SHISA6: variants seen among roughly 807,000 people sequenced by gnomAD.
The protein encoded by SHISA6 is shisa family member 6, also known as protein shisa-6.
In SHISA6, 22 loss-of-function variants were observed where a neutral mutation model predicts 47.9. That is an observed-to-expected ratio of 0.46 (90% confidence interval 0.33 to 0.66). The LOEUF (loss-of-function observed/expected upper bound fraction) is 0.66. SHISA6 is among the 30% of genes least tolerant of loss of function. The pLI, the probability that SHISA6 is intolerant of heterozygous loss-of-function variation, is 0.02. For synonymous variants in SHISA6, 388 were observed against 337.8 expected, an observed-to-expected ratio of 1.15 and a Z score of -1.63; for missense variants, 680 against 764.6, an observed-to-expected ratio of 0.89 and a Z score of 1.30.
intron 3 of SHISA6, among the ~76,000 whole-genome samples, chr17:11,464,940 A>T (rs1403215541): frequency 2.1e-4 from 4 of 19,460 alleles, no homozygotes; most frequent in African/African-American, 5.0e-4. Flanking sequence ...AAAACTGATT[A>T]AAAAAAAAAA....
Position 11,355,741 on chromosome 17 carries a change from G to A in SHISA6, c.800-23673G>A, listed in dbSNP as rs534658571. 8.5e-5 allele frequency among the ~76,000 whole-genome samples: 13 copies of A among 152,288 alleles called. No homozygotes were observed. In the South Asian group the frequency reaches 2.7e-3, roughly 32 times the overall value. ...GAACGGATGAGCTTGAATCCACATCGGCCAGCCTCTTGGGGTCCCCATCTG... is the reference window on the plus strand; with the variant it reads ...GAACGGATGAGCTTGAATCCACATCAGCCAGCCTCTTGGGGTCCCCATCTG... On this transcript the variant is annotated intron_variant, in intron 2 of 5. Transcript: ENST00000441885.
intron 3 of SHISA6, among the ~76,000 whole-genome samples, chr17:11,388,839 TA>T (rs1361750238): frequency 6.8e-5 from 7 of 102,278 alleles, no homozygotes; most frequent in African/African-American, 1.7e-4. Flanking sequence ...TATATATATA[TA>T]TTTTAAAAAA....
chr17:11,264,179 T>C (rs1908343361), intron 2 of SHISA6, among the ~76,000 whole-genome samples: 1 of 152,228 alleles, frequency 6.6e-6, no homozygotes, highest in Admixed American at 6.5e-5. Context: ...GAGATGTTAA[T>C]AATAATTTAA....
chr17:11,397,812 G>A (rs561369310), intron 3 of SHISA6, among the ~76,000 whole-genome samples: 436 of 152,056 alleles, frequency 2.9e-3, no homozygotes, highest in Non-Finnish European at 4.5e-3. Context: ...CAGAGTTGAT[G>A]ATTCCGAGTA....
chr17:11,241,928 C>T lies in SHISA6; in HGVS notation c.506C>T (p.Pro169Leu), dbSNP rs1907370765. 6.4e-7 allele frequency: 1 copy of T among 1,550,890 alleles called. No homozygotes were observed. Among genetic ancestry groups the T allele is most frequent in the Non-Finnish European group, 8.7e-7 (1 of 1,147,046 alleles). ...CCGGGGCCCGAGAACAAGTACGACC[C>T]GGAGAAGGACAAGACCAACTTCACC... ...VSPGPENKYD[P>L]EKDKTNFTVY... Residue 169 changes from proline (P) to leucine (L), a missense_variant, in exon 1 of 6, where the codon CCG becomes CTG. Physicochemically the swap from Pro to Leu is moderately conservative, Grantham distance 98. Coordinates refer to ENST00000441885, the MANE Select transcript of SHISA6 (RefSeq NM_207386.4). The surrounding 1 kb of genome is among the most constrained non-coding windows in gnomAD (Gnocchi z 5.5).
At chr17:11,480,362 C>T (rs1916179092) in intron 3 of SHISA6, among the ~76,000 whole-genome samples, 1 of 151,580 alleles carries the variant, frequency 6.6e-6, no homozygotes, top group South Asian at 2.1e-4. Flanking sequence ...TTCTTAAATA[C>T]TTGTTGAGTG....
chr17:11,244,975 TG>T (rs57215274), intron 1 of SHISA6, among the ~76,000 whole-genome samples: 2,292 of 152,300 alleles, frequency 0.015, 45 homozygotes, highest in African/African-American at 0.051. Context: ...GCTCCCAGGC[TG>T]GACAGCCCTC....
chr17:11,446,793 G>T (rs1463032316), intron 3 of SHISA6, among the ~76,000 whole-genome samples: 1 of 152,150 alleles, frequency 6.6e-6, no homozygotes, highest in South Asian at 2.1e-4. Context: ...TGCCTTTGTG[G>T]TTTTGTGCAC....
At chr17:11,548,551 T>C (rs892095721) in intron 3 of SHISA6, among the ~76,000 whole-genome samples, 8 of 151,888 alleles carry the variant, frequency 5.3e-5, no homozygotes, top group African/African-American at 1.9e-4. Context: ...GACAAGTGAA[T>C]CGTTCAACAT....
intron 2 of SHISA6, among the ~76,000 whole-genome samples, chr17:11,283,945 GGTT>G (rs1909209039): frequency 6.6e-6 from 1 of 152,082 alleles, no homozygotes. Context: ...TTTTTTGGTA[GGTT>G]GTTGTTCCCC....
intron 3 of SHISA6, among the ~76,000 whole-genome samples, chr17:11,467,917 T>G (rs1323914278): frequency 5.9e-5 from 9 of 152,190 alleles, no homozygotes; most frequent in Non-Finnish European, 1.0e-4. Flanking sequence ...GTACAGCTTC[T>G]AAAACCCTTA....
In SHISA6 at chr17:11,561,919, G is replaced by T; in HGVS notation, c.*3615G>T. The T allele has an allele frequency of 6.6e-6, 1 of 152,272 alleles. No individual in the cohort carries two copies. The highest frequency in any genetic ancestry group is 1.5e-5 in the Non-Finnish European group (1 of 68,102). 9.4% of individuals were successfully genotyped at this position (152,272 alleles called of 1,614,324 possible). A position where few individuals can be genotyped will look rare whatever the true frequency, so the allele number is the denominator to read the frequency against. ...GGAGCCAAGGGCTTTTCCCCTCTGA[G>T]CTCTGGGAGGGAAGGGAATGGAGCT... On this transcript the variant is annotated 3_prime_UTR_variant, in exon 6 of 6. Coordinates refer to ENST00000441885, the MANE Select transcript of SHISA6 (RefSeq NM_207386.4).
intron 3 of SHISA6, among the ~76,000 whole-genome samples, chr17:11,395,293 T>C (rs1311424843): frequency 6.6e-6 from 1 of 152,004 alleles, no homozygotes; most frequent in Non-Finnish European, 1.5e-5. Flanking sequence ...TGGGATCACA[T>C]GTTTAGGTTT....
intron 3 of SHISA6, among the ~76,000 whole-genome samples, chr17:11,405,631 G>A (rs557541600): frequency 3.5e-4 from 53 of 152,064 alleles, no homozygotes; most frequent in African/African-American, 1.3e-3. Flanking sequence ...GTGAAACCCT[G>A]TCTCCACTAA....
At chr17:11,261,423 T>A (rs556349536) in intron 1 of SHISA6, among the ~76,000 whole-genome samples, 39 of 152,352 alleles carry the variant, frequency 2.6e-4, no homozygotes, top group African/African-American at 9.4e-4. Flanking sequence ...CCACTGGGCA[T>A]CAGGAGCCCT....
intron 2 of SHISA6, among the ~76,000 whole-genome samples, chr17:11,350,190 T>TTATTTA (rs1194463819): frequency 0.015 from 1,654 of 113,448 alleles, 19 homozygotes; most frequent in South Asian, 0.028. Context: ...TTATTTTTTT[T>TTATTTA]TTTTTTTGAG....
chr17:11,376,007 A>T (rs1912785507), intron 2 of SHISA6, among the ~76,000 whole-genome samples: 1 of 152,132 alleles, frequency 6.6e-6, no homozygotes, highest in African/African-American at 2.4e-5. Flanking sequence ...GGAAGTGCTT[A>T]TGCTTCACGG....
intron 2 of SHISA6, among the ~76,000 whole-genome samples, chr17:11,270,070 G>A (rs1255706015): frequency 6.6e-6 from 1 of 152,110 alleles, no homozygotes; most frequent in African/African-American, 2.4e-5. Context: ...CCACCTCCCG[G>A]GTTCAAGAGA....
At chr17:11,388,826 AT>A (rs1913289654) in intron 3 of SHISA6, among the ~76,000 whole-genome samples, 2 of 105,862 alleles carry the variant, frequency 1.9e-5, no homozygotes, top group African/African-American at 8.1e-5. Context: ...ATATATATAT[AT>A]ATATATATAT....
Sources: gnomAD v4.1 joint callset for allele counts (sites outside exome capture counted in the v4.1 genomes callset) on GRCh38, gnomAD v4.1.1 for gene constraint, Gnocchi (gnomAD v3.1) non-coding constraint, MANE v1.5 for transcripts, NCBI Gene and HGNC (gene_info 2026-07-23, HGNC 2026-07-21) for gene names.